The following POC5 variants were observed in gnomAD, a reference collection of about 807,000 sequenced individuals.
The protein encoded by POC5 is POC5 centriolar protein.
POC5 carries 48 observed loss-of-function variants against 62.9 expected under a neutral mutation model. That is an observed-to-expected ratio of 0.76 (90% CI 0.61 to 0.97). The LOEUF is 0.97. POC5 is among the 50% of genes least tolerant of loss of function. POC5 has a pLI of 0.00. For synonymous variants in POC5, 236 were observed against 228.2 expected (o/e 1.03, Z -0.31); for missense variants, 696 against 679.5 (o/e 1.02, Z -0.27).
chr5:75,714,255 G>T (rs10057461), intron 1 of POC5, among the ~76,000 whole-genome samples: 9,335 of 152,154 alleles, frequency 0.061, 471 homozygotes, highest in East Asian at 0.29. Flanking sequence ...GGTGGCAGGT[G>T]CCTGTAATCC....
intron 5 of POC5, among the ~76,000 whole-genome samples, chr5:75,695,132 A>G (rs1367076615): frequency 6.6e-6 from 1 of 152,236 alleles, no homozygotes; most frequent in Non-Finnish European, 1.5e-5. Context: ...TTATTCAAGG[A>G]TTAAATGTCC....
chr5:75,713,912 G>A (rs62366645), intron 1 of POC5, among the ~76,000 whole-genome samples: 127 of 152,346 alleles, frequency 8.3e-4, no homozygotes, highest in Non-Finnish European at 1.7e-3. Flanking sequence ...AGCAATGGGT[G>A]CAAAGGATTG....
At chr5:75,686,672 G>T (rs113109444) in intron 9 of POC5, among the ~76,000 whole-genome samples, 68 of 152,312 alleles carry the variant, frequency 4.5e-4, no homozygotes, top group African/African-American at 1.6e-3. Context: ...ACAGTATGAA[G>T]GTCAGGGAAG....
chr5:75,688,578 T>C (rs1776190091), intron 9 of POC5, among the ~76,000 whole-genome samples: 1 of 152,174 alleles, frequency 6.6e-6, no homozygotes, highest in Admixed American at 6.5e-5. Flanking sequence ...AGGCCTTTCA[T>C]AAACAGGAAG....
Position 75,694,665 on chromosome 5 carries a change from C to A in POC5, c.680G>T (p.Arg227Ile). The A allele has an allele frequency of 6.5e-7, 1 of 1,535,928 alleles. No individual in the cohort carries two copies. Among genetic ancestry groups the A allele is most frequent in the Admixed American group, 2.3e-5 (1 of 43,902 alleles). The change falls in exon 6 of 12, where the codon AGA (arginine) becomes ATA (isoleucine). Residue 227 changes from arginine (R) to isoleucine (I), a missense_variant. Arg to Ile is a moderately conservative substitution (Grantham distance 97). Coordinates refer to ENST00000428202, the MANE Select transcript of POC5 (RefSeq NM_001099271.2). The stretch of plus-strand genomic sequence containing the variant: ...TATAAAAAAGAAGACCTCATCTTTT[C>A]TCCCAATGGAGATTTCAAAGGTTTT... ...LQKTFEISIGRKDEVISSLSH... is the reference protein window; with the variant it reads ...LQKTFEISIGIKDEVISSLSH...
chr5:75,711,142 T>C (rs1003198534), intron 2 of POC5, among the ~76,000 whole-genome samples: 5 of 152,242 alleles, frequency 3.3e-5, no homozygotes, highest in African/African-American at 4.8e-5. Flanking sequence ...TAGAGTTTCA[T>C]ATATGTAGAC....
At chr5:75,703,851 C>G (rs1218242024) in intron 4 of POC5, among the ~76,000 whole-genome samples, 1 of 150,988 alleles carries the variant, frequency 6.6e-6, no homozygotes, top group African/African-American at 2.4e-5. Flanking sequence ...GAACAGGTAT[C>G]TATTTCTAAA....
At chr5:75,678,685 CTTTCTT>C (rs1775768099) in intron 10 of POC5, among the ~76,000 whole-genome samples, 1 of 152,006 alleles carries the variant, frequency 6.6e-6, no homozygotes, top group Admixed American at 6.6e-5. Context: ...ACTACTTTGT[CTTTCTT>C]TTTCTATTAC....
intron 5 of POC5, among the ~76,000 whole-genome samples, chr5:75,697,163 C>G (rs1776640440): frequency 6.6e-6 from 1 of 152,174 alleles, no homozygotes; most frequent in Non-Finnish European, 1.5e-5. Context: ...CTTCCCTAAT[C>G]TAGCAAGGCA....
At chr5:75,708,086 G>A (rs1337686631) in intron 2 of POC5, among the ~76,000 whole-genome samples, 1 of 152,210 alleles carries the variant, frequency 6.6e-6, no homozygotes, top group Non-Finnish European at 1.5e-5. Context: ...AGGGCTGGGT[G>A]CAGTGACTCA....
intron 5 of POC5, among the ~76,000 whole-genome samples, chr5:75,695,848 G>T (rs974384288): frequency 2.0e-5 from 3 of 152,090 alleles, no homozygotes; most frequent in Non-Finnish European, 4.4e-5. Context: ...CAGGACAGTG[G>T]GTGCATGCAC....
chr5:75,704,725 T>C (rs1026276866), intron 4 of POC5, among the ~76,000 whole-genome samples: 5 of 152,238 alleles, frequency 3.3e-5, no homozygotes, highest in African/African-American at 1.2e-4. Flanking sequence ...GAGATTATGA[T>C]GCCTAAGACT....
intron 2 of POC5, among the ~76,000 whole-genome samples, chr5:75,708,935 C>T (rs759055356): frequency 2.0e-5 from 3 of 152,020 alleles, no homozygotes; most frequent in East Asian, 1.9e-4. Context: ...CAGGTTCAAG[C>T]GATTCTCCTG....
In POC5 at chr5:75,689,003, A is replaced by T. The variant is rs1465935524; in HGVS notation, c.1129+9T>A. 6.5e-7 allele frequency: 1 copy of T among 1,527,796 alleles called. No individual in the cohort carries two copies. Among genetic ancestry groups the T allele is most frequent in the Non-Finnish European group, 8.8e-7 (1 of 1,139,086 alleles). 94.6% of individuals were successfully genotyped at this position (1,527,796 alleles called of 1,614,324 possible). A position where few individuals can be genotyped will look rare whatever the true frequency, so the allele number is the denominator to read the frequency against. On this transcript the variant is annotated intron_variant, in intron 9 of 11. Transcript: ENST00000428202. ...AAATTAGGCAGAGAAACTTTAATGA[A>T]ATACTAACCTGCATCATTTCTGTTT...
intron 6 of POC5, among the ~76,000 whole-genome samples, chr5:75,693,052 CTAT>C (rs1358673195): frequency 1.4e-5 from 2 of 146,786 alleles, no homozygotes; most frequent in African/African-American, 5.0e-5. Context: ...TTATATATAC[CTAT>C]TAATAACATG....
At chr5:75,706,867 T>C (rs148995240) in intron 3 of POC5, among the ~76,000 whole-genome samples, 118 of 152,280 alleles carry the variant, frequency 7.7e-4, no homozygotes, top group African/African-American at 2.8e-3. Flanking sequence ...AAGGCTCTCA[T>C]CCTGTGGTCC....
intron 7 of POC5, among the ~76,000 whole-genome samples, chr5:75,691,485 A>G (rs1776335925): frequency 6.6e-6 from 1 of 152,212 alleles, no homozygotes; most frequent in South Asian, 2.1e-4. Flanking sequence ...AATATTGTAT[A>G]CAATTACCTT....
At chr5:75,675,474 A>T (rs1775616253) in intron 11 of POC5, among the ~76,000 whole-genome samples, 1 of 152,224 alleles carries the variant, frequency 6.6e-6, no homozygotes, top group South Asian at 2.1e-4. Context: ...CTATGTATTT[A>T]AAAAACTCCA....
intron 6 of POC5, among the ~76,000 whole-genome samples, chr5:75,694,126 T>C (rs74443592): frequency 0.049 from 7,496 of 152,074 alleles, 641 homozygotes; most frequent in African/African-American, 0.17. Context: ...GCTATGATTA[T>C]GCCTATGAAT....
Sources: gnomAD v4.1 joint callset for allele counts (sites outside exome capture counted in the v4.1 genomes callset) on GRCh38, gnomAD v4.1.1 for gene constraint, MANE v1.5 for transcripts, NCBI Gene and HGNC (gene_info 2026-07-23, HGNC 2026-07-21) for gene names.